Variants in SMAD6 observed in about 807,000 individuals in gnomAD.
The protein encoded by SMAD6 is SMAD family member 6, also known as MAD homolog 6.
SMAD6 carries 103 observed loss-of-function variants against 39.4 expected under a neutral mutation model. That is an observed-to-expected ratio of 2.62 (90% CI 2.23 to 3.08). The LOEUF (loss-of-function observed/expected upper bound fraction) is 3.08. Among genes scored for constraint, SMAD6 ranks in the 30% most tolerant of loss-of-function variants. SMAD6 has a pLI of 0.00. For synonymous variants in SMAD6, 445 were observed against 353.3 expected (o/e 1.26, Z -2.91); for missense variants, 1,104 against 742.9 (o/e 1.49, Z -5.65).
At chr15:66,774,645 T>G (rs1405103419) in intron 3 of SMAD6, among the ~76,000 whole-genome samples, 1 of 152,112 alleles carries the variant, frequency 6.6e-6, no homozygotes, top group Non-Finnish European at 1.5e-5. Flanking sequence ...TCTTTTTAAT[T>G]TTTTCAAGGT....
At chr15:66,777,291 C>T (rs1894483523) in intron 3 of SMAD6, among the ~76,000 whole-genome samples, 1 of 152,100 alleles carries the variant, frequency 6.6e-6, no homozygotes, top group Non-Finnish European at 1.5e-5. Flanking sequence ...GGGCCTGAGC[C>T]CAGCAGCCTA....
At chr15:66,736,754 C>A (rs1307613359) in intron 3 of SMAD6, among the ~76,000 whole-genome samples, 1 of 151,920 alleles carries the variant, frequency 6.6e-6, no homozygotes, top group Non-Finnish European at 1.5e-5. Context: ...GCAACCTCTG[C>A]CCCACCCTGG....
In SMAD6 at chr15:66,781,176, G is replaced by T. The variant is rs751622656; in HGVS notation, c.1132G>T (p.Glu378Ter). 1.9e-6 allele frequency: 3 copies of T among 1,607,836 alleles called. No homozygotes were observed. The highest frequency in any genetic ancestry group is 2.2e-5 in the East Asian group (1 of 44,862). Reference sequence around the variant, plus strand: ...CCAGCTCAACCTGGAGCAGCGCAGCGAGTCGGTGCGGCGAACGCGCAGCAA... The same window carrying T: ...CCAGCTCAACCTGGAGCAGCGCAGCTAGTCGGTGCGGCGAACGCGCAGCAA... ...LGQLNLEQRS[E>*]SVRRTRSKIG... The change falls in exon 4 of 4, where the codon GAG becomes TAG. Residue 378 changes from glutamate (E) to a stop codon, truncating the protein, a stop_gained. Coordinates refer to ENST00000288840, the MANE Select transcript of SMAD6 (RefSeq NM_005585.5). LOFTEE classifies it high-confidence loss of function.
rs1165184689 is a variant in SMAD6 at position 66,725,342 on chromosome 15, G to GC, written c.952+8845dup. 2.6e-5 allele frequency among the ~76,000 whole-genome samples: 4 copies of GC among 152,282 alleles called. No homozygotes were observed. In the East Asian group the frequency reaches 5.8e-4, roughly 22 times the overall value. On this transcript the variant is annotated intron_variant, in intron 3 of 3. Transcript: ENST00000288840. ...CAGAAAGGGTAAGACCTCGGGGCTG[G>GC]CATCTCTGCAAAGCAGGAGCTGCTC...
At position 66,703,929 on chromosome 15, in the gene SMAD6, T is replaced by A; in HGVS notation, c.671T>A (p.Leu224Gln). 7.4e-7 allele frequency: 1 copy of A among 1,342,610 alleles called. No individual in the cohort carries two copies. The highest frequency in any genetic ancestry group is 1.5e-5 in the African/African-American group (1 of 65,918). The allele number at this position is 1,342,610 out of a possible 1,614,324, so 83.2% of individuals were successfully genotyped here. A position where few individuals can be genotyped will look rare whatever the true frequency, so the allele number is the denominator to read the frequency against. The change falls in exon 1 of 4, where the codon CTG (leucine) becomes CAG (glutamine). Residue 224 changes from leucine to glutamine, a missense_variant. Leu to Gln is a moderately radical substitution (Grantham distance 113). Transcript: ENST00000288840. ...GGCGGCCAGCCCGCGCCGCCGCAGC[T>A]GCTGCTCGGCCGCCTCTTTCGCTGG... ...RLGGQPAPPQ[L>Q]LLGRLFRWPD...
intron 3 of SMAD6, among the ~76,000 whole-genome samples, chr15:66,728,412 T>G (rs12900701): frequency 1.3e-5 from 2 of 151,078 alleles, no homozygotes; most frequent in Admixed American, 6.6e-5. Context: ...TTTTTTTTTG[T>G]TTTTTGTTTT....
intron 1 of SMAD6, among the ~76,000 whole-genome samples, chr15:66,709,097 G>T (rs759297851): frequency 2.0e-5 from 3 of 152,304 alleles, no homozygotes; most frequent in Admixed American, 2.0e-4. Flanking sequence ...GAACCCCAAG[G>T]CCTCTTCTGT....
intron 3 of SMAD6, among the ~76,000 whole-genome samples, chr15:66,724,840 G>A (rs1429661292): frequency 4.0e-5 from 6 of 148,194 alleles, no homozygotes; most frequent in African/African-American, 1.5e-4. Flanking sequence ...TGGCGAGGCA[G>A]GGTGTCGGGT....
intron 2 of SMAD6, among the ~76,000 whole-genome samples, chr15:66,712,131 G>A (rs1329931200): frequency 6.6e-6 from 1 of 152,166 alleles, no homozygotes; most frequent in Non-Finnish European, 1.5e-5. Flanking sequence ...TGACAAATAG[G>A]TTGGGCATGA....
intron 3 of SMAD6, among the ~76,000 whole-genome samples, chr15:66,776,851 T>A (rs1894475824): frequency 6.6e-6 from 1 of 152,182 alleles, no homozygotes; most frequent in South Asian, 2.1e-4. Flanking sequence ...ACAGGCAGAT[T>A]GCTTGAGCCC....
chr15:66,759,197 A>C (rs1894156068), intron 3 of SMAD6, among the ~76,000 whole-genome samples: 1 of 152,240 alleles, frequency 6.6e-6, no homozygotes, highest in African/African-American at 2.4e-5. Flanking sequence ...ATAATCAATA[A>C]TCTTTGTACA....
At chr15:66,717,106 A>C (rs185472710) in intron 3 of SMAD6, 1 of 1,288,896 alleles carries the variant, frequency 7.8e-7, no homozygotes, top group African/African-American at 1.5e-5. Context: ...CATCCGGAGG[A>C]ATACCTGAAT....
chr15:66,741,640 T>A (rs1893817187), intron 3 of SMAD6, among the ~76,000 whole-genome samples: 2 of 152,234 alleles, frequency 1.3e-5, no homozygotes, highest in Non-Finnish European at 2.9e-5. Flanking sequence ...GGCTCACTAA[T>A]CAGAGAATCT....
chr15:66,742,192 T>C (rs991892011), intron 3 of SMAD6, among the ~76,000 whole-genome samples: 1 of 152,140 alleles, frequency 6.6e-6, no homozygotes, highest in African/African-American at 2.4e-5. Context: ...ACAGGTACAG[T>C]GGTGGCTCCG....
At chr15:66,765,302 C>T (rs1894269467) in intron 3 of SMAD6, among the ~76,000 whole-genome samples, 1 of 152,168 alleles carries the variant, frequency 6.6e-6, no homozygotes, top group African/African-American at 2.4e-5. Flanking sequence ...TGGCTCACTG[C>T]AACCTCTGCC....
Position 66,703,785 on chromosome 15 carries a change from C to G in SMAD6, c.527C>G (p.Thr176Arg), listed in dbSNP as rs1486871957. 3 of 1,440,198 alleles carry G rather than the reference C, an allele frequency of 2.1e-6. No homozygotes were observed. Among genetic ancestry groups the G allele is most frequent in the South Asian group, 2.7e-5 (2 of 73,136 alleles). The allele number at this position is 1,440,198 out of a possible 1,614,324, so 89.2% of individuals were successfully genotyped here. A position where few individuals can be genotyped will look rare whatever the true frequency, so the allele number is the denominator to read the frequency against. Residue 176 changes from threonine to arginine, a missense_variant, in exon 1 of 4, where the codon ACG becomes AGG. Thr to Arg is a moderately conservative substitution (Grantham distance 71). Transcript: ENST00000288840. ...CTGGAGCAGGAACTCAAAACCGTCA[C>G]GTACTCGCTGCTGAAGCGGCTCAAG... ...LLLEQELKTV[T>R]YSLLKRLKER...
At chr15:66,711,535 G>C in intron 1 of SMAD6, 133 bp from the exon 2 acceptor site, 1 of 740,480 alleles carries the variant, frequency 1.4e-6, no homozygotes, top group South Asian at 1.5e-5. Flanking sequence ...TTGGGCAGCA[G>C]AGGAGGTGGG....
intron 3 of SMAD6, among the ~76,000 whole-genome samples, chr15:66,761,426 C>T (rs1024042155): frequency 6.6e-6 from 1 of 152,338 alleles, no homozygotes; most frequent in Non-Finnish European, 1.5e-5. Flanking sequence ...TGCTGGCCAG[C>T]CAGGGCGGGT....
intron 3 of SMAD6, among the ~76,000 whole-genome samples, chr15:66,771,086 G>A (rs1031553319): frequency 2.6e-5 from 4 of 152,144 alleles, no homozygotes; most frequent in African/African-American, 7.2e-5. Context: ...CAGTCTTAGC[G>A]GGTGGGAGAC....
Sources: gnomAD v4.1 joint callset for allele counts (sites outside exome capture counted in the v4.1 genomes callset) on GRCh38, gnomAD v4.1.1 for gene constraint, MANE v1.5 for transcripts, NCBI Gene and HGNC (gene_info 2026-07-23, HGNC 2026-07-21) for gene names.